NRAP: variants seen among roughly 807,000 people sequenced by gnomAD.
NRAP encodes the protein nebulin-related-anchoring protein.
A neutral mutation model predicts 225.9 loss-of-function variants in NRAP; 189 were observed. That is an observed-to-expected ratio of 0.84 (90% CI 0.74 to 0.94). The LOEUF (loss-of-function observed/expected upper bound fraction) is 0.94, where lower values mean the gene tolerates loss of function less well. NRAP is among the 40% of genes least tolerant of loss of function. The pLI is 0.00. For synonymous variants in NRAP, 769 were observed against 790.7 expected (o/e 0.97, Z 0.46); for missense variants, 2,176 against 2,168.7 (o/e 1.00, Z -0.07).
rs912782765 is a variant in NRAP, at chr10:113,619,445, G to T, written c.2874+1159C>A. On this transcript the variant is annotated intron_variant, in intron 25 of 41. Coordinates refer to ENST00000359988, the MANE Select transcript of NRAP (RefSeq NM_198060.4). Reference sequence around the variant, plus strand: ...TTCTGAGCCTTGAGTGTTGACCAAGGTCCCTAAAAATCAGGCTGATCAGCA... The same window carrying T: ...TTCTGAGCCTTGAGTGTTGACCAAGTTCCCTAAAAATCAGGCTGATCAGCA... Among the ~76,000 whole-genome samples the T allele has an allele frequency of 3.9e-5, 6 of 152,136 alleles. No individual in the cohort carries two copies. In the South Asian group the frequency reaches 6.2e-4, roughly 16 times the overall value.
chr10:113,650,227 G>A (rs925953917), intron 8 of NRAP, 86 bp from the exon 9 acceptor site: 2 of 911,764 alleles, frequency 2.2e-6, no homozygotes, highest in East Asian at 4.8e-5. Context: ...TTAATGGAAT[G>A]TTCTTTTTCT....
At chr10:113,624,715 A>ATCAAC in intron 22 of NRAP, 111 bp downstream of exon 22, 1 of 750,692 alleles carries the variant, frequency 1.3e-6, no homozygotes, top group Non-Finnish European at 2.3e-6. Context: ...AACCAGATGT[A>ATCAAC]TGTAACCTCA....
chr10:113,614,855 C>A lies in NRAP; in HGVS notation c.3170G>T (p.Gly1057Val), dbSNP rs1163949862. ...AATGCTCACATCACTTATGATTTCACCAGAAGCCTTTGCTGCTTGGAATGG... is the reference window on the plus strand; with the variant it reads ...AATGCTCACATCACTTATGATTTCAACAGAAGCCTTTGCTGCTTGGAATGG... Reference protein sequence around the residue: ...ALPFQAAKASGEIISDYKYKE... With the variant: ...ALPFQAAKASVEIISDYKYKE... The change falls in exon 28 of 42, where the codon GGT becomes GTT. Residue 1057 changes from glycine (G) to valine (V), a missense_variant. Around this residue, in one of 3 missense-constraint regions of NRAP, gnomAD observed 1,708 missense variants for 1,695.5 expected, o/e 1.01. Transcript: ENST00000359988. The A allele has an allele frequency of 5.6e-6, 9 of 1,603,626 alleles. No individual in the cohort carries two copies. Among genetic ancestry groups the A allele is most frequent in the Non-Finnish European group, 7.7e-6 (9 of 1,170,486 alleles).
At chr10:113,660,439 G>A (rs1055914733) in intron 3 of NRAP, among the ~76,000 whole-genome samples, 113 of 151,916 alleles carry the variant, frequency 7.4e-4, no homozygotes, top group African/African-American at 1.7e-3. Context: ...ATACACACAC[G>A]CAGGCTTCCT....
At chr10:113,643,281 T>C (rs138658357) in intron 11 of NRAP, among the ~76,000 whole-genome samples, 3 of 152,334 alleles carry the variant, frequency 2.0e-5, no homozygotes, top group Non-Finnish European at 4.4e-5. Flanking sequence ...GAACAAATAA[T>C]ATAAGATTTC....
At chr10:113,624,033 C>T (rs892146585) in intron 22 of NRAP, among the ~76,000 whole-genome samples, 7 of 152,332 alleles carry the variant, frequency 4.6e-5, no homozygotes, top group Admixed American at 2.0e-4. Flanking sequence ...TCTTTCCTCC[C>T]GCCTTCCCCC....
Position 113,646,991 on chromosome 10 carries a change from C to T in NRAP, c.925G>A (p.Gly309Ser), listed in dbSNP as rs755552338. 2.5e-6 allele frequency: 4 copies of T among 1,613,944 alleles called. No individual in the cohort carries two copies. The African/African-American group carries it at 4.0e-5, about 16-fold the overall frequency. Residue 309 changes from glycine (G) to serine (S), a missense_variant, in exon 10 of 42, where the codon GGC becomes AGC. Transcript: ENST00000359988. Reference sequence around the variant, plus strand: ...GGAGTGATCATAGCTGGGAAGCTGCCCTTTCCCCTGTGCTCCTCATACTCC... The same window carrying T: ...GGAGTGATCATAGCTGGGAAGCTGCTCTTTCCCCTGTGCTCCTCATACTCC... ...PEEYEEHRGKGSFPAMITPAY... is the reference protein window; with the variant it reads ...PEEYEEHRGKSSFPAMITPAY...
rs576142256 is a variant in NRAP at position 113,596,988 on chromosome 10, T to G, written c.4431+98A>C. ...TCATCCAGGTAGTAGAAAGAAGGTT[T>G]GCACCCCCATCTGTCCAGAGCCTGT... On this transcript the variant is annotated intron_variant, in intron 37 of 41. Transcript: ENST00000359988. 5.1e-6 allele frequency: 4 copies of G among 781,268 alleles called. No individual in the cohort carries two copies. The African/African-American group carries it at 5.1e-5, about 10-fold the overall frequency. The allele number at this position is 781,268 out of a possible 1,614,324, so 48.4% of individuals were successfully genotyped here.
chr10:113,656,518 G>A (rs961425451), intron 4 of NRAP, among the ~76,000 whole-genome samples: 9 of 152,168 alleles, frequency 5.9e-5, no homozygotes, highest in African/African-American at 2.2e-4. Flanking sequence ...ATTGAGACCT[G>A]TCTCAGATAC....
chr10:113,631,826 T>A (rs571388738), intron 17 of NRAP, 31 bp downstream of exon 17: 1 of 1,345,176 alleles, frequency 7.4e-7, no homozygotes, highest in South Asian at 1.2e-5. Context: ...CCATTTCTTA[T>A]GCATTCCTGA....
At chr10:113,607,399 C>CAAAAAAAAA in intron 32 of NRAP, among the ~76,000 whole-genome samples, 132 of 68,588 alleles carry the variant, frequency 1.9e-3, no homozygotes, top group Non-Finnish European at 2.1e-3. Flanking sequence ...GAAACTCCGT[C>CAAAAAAAAA]AAAAAAAAAA....
intron 16 of NRAP, among the ~76,000 whole-genome samples, chr10:113,632,593 C>T (rs1848635301): frequency 1.4e-5 from 2 of 146,062 alleles, no homozygotes; most frequent in African/African-American, 5.6e-5. Flanking sequence ...CCTTCTAGGA[C>T]TTATGATAAT....
chr10:113,656,465 G>A (rs188441668), intron 4 of NRAP, among the ~76,000 whole-genome samples: 113 of 152,302 alleles, frequency 7.4e-4, no homozygotes, highest in African/African-American at 2.5e-3. Flanking sequence ...TGAGGCTGTC[G>A]TGGGTGTGTC....
At chr10:113,594,099 A>G (rs1286277251) in intron 38 of NRAP, among the ~76,000 whole-genome samples, 1 of 151,762 alleles carries the variant, frequency 6.6e-6, no homozygotes, top group Non-Finnish European at 1.5e-5. Flanking sequence ...TTGATTTGGA[A>G]CCCTGGGCGT....
intron 16 of NRAP, 60 bp from the exon 17 acceptor site, chr10:113,632,024 A>C: frequency 9.1e-7 from 1 of 1,094,994 alleles, no homozygotes; most frequent in South Asian, 1.3e-5. Context: ...CAAACGTCAA[A>C]GATTTTTTCA....
intron 22 of NRAP, 27 bp from the exon 23 acceptor site, chr10:113,623,663 G>A (rs1848127684): frequency 2.0e-6 from 3 of 1,523,496 alleles, no homozygotes; most frequent in Non-Finnish European, 2.7e-6. Context: ...GAGAAGGTGA[G>A]TGGGTTTTCA....
At chr10:113,601,619 T>C (rs1167213905) in intron 35 of NRAP, among the ~76,000 whole-genome samples, 4 of 152,262 alleles carry the variant, frequency 2.6e-5, no homozygotes, top group Non-Finnish European at 5.9e-5. Context: ...AGCATAAGAT[T>C]GCCAACTACA....
intron 32 of NRAP, 99 bp from the exon 33 acceptor site, chr10:113,606,381 G>T: frequency 1.4e-6 from 1 of 701,472 alleles, no homozygotes; most frequent in Non-Finnish European, 2.5e-6. Context: ...AAACACAATA[G>T]CAAAAAACCG....
At chr10:113,651,221 G>T (rs1849945687) in intron 7 of NRAP, among the ~76,000 whole-genome samples, 1 of 152,100 alleles carries the variant, frequency 6.6e-6, no homozygotes, top group South Asian at 2.1e-4. Context: ...ACCCATGCAG[G>T]ACTAAAATGT....
Sources: allele counts gnomAD v4.1 joint callset (sites outside exome capture counted in the v4.1 genomes callset), GRCh38; gene constraint gnomAD v4.1.1; regional missense constraint gnomAD v4.1.1; transcripts MANE v1.5; gene names NCBI Gene and HGNC (gene_info 2026-07-23, HGNC 2026-07-21).